PCDH17: variants seen among roughly 807,000 people sequenced by gnomAD.
PCDH17 encodes protocadherin 17.
In PCDH17, 21 loss-of-function variants were observed where a neutral mutation model predicts 67.7. That is an observed-to-expected ratio of 0.31 (90% confidence interval 0.22 to 0.45). The LOEUF is 0.45. PCDH17 is among the 20% of genes least tolerant of loss of function. PCDH17 has a pLI of 1.00. For synonymous variants in PCDH17, 701 were observed against 656.7 expected (o/e 1.07, Z -1.03); for missense variants, 1,471 against 1,564.8 (o/e 0.94, Z 1.01).
intron 1 of PCDH17, among the ~76,000 whole-genome samples, chr13:57,664,662 C>A (rs1043981843): frequency 4.6e-5 from 7 of 151,988 alleles, no homozygotes; most frequent in Non-Finnish European, 1.0e-4. Flanking sequence ...TCTTTAATAA[C>A]CTGGATTTTG....
chr13:57,656,249 C>T (rs1370040224), intron 1 of PCDH17, among the ~76,000 whole-genome samples: 3 of 152,042 alleles, frequency 2.0e-5, no homozygotes, highest in African/African-American at 7.2e-5. Context: ...CATTTAGACT[C>T]AATGCATTAT....
At chr13:57,682,888 G>C (rs1195450382) in intron 3 of PCDH17, among the ~76,000 whole-genome samples, 1 of 151,814 alleles carries the variant, frequency 6.6e-6, no homozygotes, top group East Asian at 1.9e-4. Context: ...TTCTGTTAAA[G>C]TCAGTAGCAG....
intron 3 of PCDH17, among the ~76,000 whole-genome samples, chr13:57,696,890 TTTCATCTACTTAAA>T (rs1955614482): frequency 6.6e-6 from 1 of 151,632 alleles, no homozygotes; most frequent in Non-Finnish European, 1.5e-5. Flanking sequence ...TTGGCAGTGC[TTTCATCTACTTAAA>T]TTCCTCCCAC....
intron 3 of PCDH17, among the ~76,000 whole-genome samples, chr13:57,694,439 C>T (rs550755157): frequency 1.3e-5 from 2 of 151,088 alleles, no homozygotes; most frequent in East Asian, 3.9e-4. Context: ...TCCCTTTTAG[C>T]CCTGTGCATT....
chr13:57,722,175 G>A (rs561275951), intron 3 of PCDH17, among the ~76,000 whole-genome samples: 3 of 152,232 alleles, frequency 2.0e-5, no homozygotes, highest in African/African-American at 7.2e-5. Flanking sequence ...TTTTATGTTG[G>A]TGGTTTCAAA....
chr13:57,689,966 G>T (rs1187434743), intron 3 of PCDH17, among the ~76,000 whole-genome samples: 1 of 151,690 alleles, frequency 6.6e-6, no homozygotes, highest in Non-Finnish European at 1.5e-5. Flanking sequence ...TTAAGAAGTG[G>T]CAATAGAAGC....
upstream of PCDH17, among the ~76,000 whole-genome samples, chr13:57,630,829 T>C (rs1390600954): frequency 6.6e-6 from 1 of 152,186 alleles, no homozygotes; most frequent in East Asian, 1.9e-4. Context: ...CGAGAGTGAA[T>C]ACGATTCGTT....
chr13:57,671,101 GTTAA>G (rs1955315447), intron 3 of PCDH17, among the ~76,000 whole-genome samples: 2 of 151,784 alleles, frequency 1.3e-5, no homozygotes, highest in Admixed American at 1.3e-4. Flanking sequence ...TTTTCAAATA[GTTAA>G]TTAGATTTTC....
chr13:57,710,357 C>T (rs973670447), intron 3 of PCDH17, among the ~76,000 whole-genome samples: 1 of 151,542 alleles, frequency 6.6e-6, no homozygotes, highest in East Asian at 2.0e-4. Flanking sequence ...CATAGCAGCC[C>T]CATATAGTTT....
At chr13:57,672,258 ATATT>A (rs1206423917) in intron 3 of PCDH17, among the ~76,000 whole-genome samples, 2 of 151,952 alleles carry the variant, frequency 1.3e-5, no homozygotes, top group Non-Finnish European at 2.9e-5. Flanking sequence ...AAGCTAATAA[ATATT>A]TGTTTGTTTC....
chr13:57,640,029 G>T (rs893021892), intron 1 of PCDH17, among the ~76,000 whole-genome samples: 2 of 151,758 alleles, frequency 1.3e-5, no homozygotes, highest in African/African-American at 2.4e-5. Flanking sequence ...TGTATATGAG[G>T]TTAAAATAAT....
At chr13:57,642,032 A>G (rs1954912383) in intron 1 of PCDH17, among the ~76,000 whole-genome samples, 1 of 151,654 alleles carries the variant, frequency 6.6e-6, no homozygotes, top group Non-Finnish European at 1.5e-5. Flanking sequence ...GAAATGTTTA[A>G]CGATCTGTAT....
chr13:57,651,487 G>A (rs1955038686), intron 1 of PCDH17, among the ~76,000 whole-genome samples: 1 of 150,204 alleles, frequency 6.7e-6, no homozygotes, highest in South Asian at 2.1e-4. Context: ...TCAGGCATGT[G>A]CCACCAGGCC....
rs146308231 is a variant in PCDH17 at position 57,675,082 on chromosome 13, G to T, written c.2797+8249G>T. The stretch of plus-strand genomic sequence containing the variant: ...AAATAGGCACATCATATCTGTAGCA[G>T]CACCATTTATTTCCTTACCTGAAGG... On this transcript the variant is annotated intron_variant, in intron 3 of 3. Coordinates refer to ENST00000377918, the MANE Select transcript of PCDH17 (RefSeq NM_001040429.3). 2.3e-3 allele frequency among the ~76,000 whole-genome samples: 357 copies of T among 151,962 alleles called. 2 individuals are homozygous for T. In the Middle Eastern group the frequency reaches 0.037, roughly 16 times the overall value.
chr13:57,726,236 T>C lies in PCDH17; in HGVS notation c.*942T>C, dbSNP rs1441908538. ...ATAGCTCAGGAAAGTGAAAATGTCT[T>C]AGACATACGCAAGTCACATGACCAT... On this transcript the variant is annotated 3_prime_UTR_variant, in exon 4 of 4. Coordinates refer to ENST00000377918, the MANE Select transcript of PCDH17 (RefSeq NM_001040429.3). 6.6e-6 allele frequency: 1 copy of C among 152,646 alleles called. No individual in the cohort carries two copies. Among genetic ancestry groups the C allele is most frequent in the Non-Finnish European group, 1.5e-5 (1 of 68,036 alleles). The allele number at this position is 152,646 out of a possible 1,614,324, so 9.5% of individuals were successfully genotyped here. A position where few individuals can be genotyped will look rare whatever the true frequency, so the allele number is the denominator to read the frequency against.
chr13:57,716,977 G>C (rs1955822549), intron 3 of PCDH17, among the ~76,000 whole-genome samples: 1 of 151,960 alleles, frequency 6.6e-6, no homozygotes, highest in Non-Finnish European at 1.5e-5. Flanking sequence ...AATGTGAGCT[G>C]TCTTTATGCT....
intron 3 of PCDH17, among the ~76,000 whole-genome samples, chr13:57,688,304 C>A (rs540347867): frequency 3.3e-5 from 5 of 151,770 alleles, no homozygotes; most frequent in African/African-American, 9.6e-5. Flanking sequence ...CAGAGTGAGA[C>A]CCTGTCTCAA....
At chr13:57,700,588 T>C (rs932989791) in intron 3 of PCDH17, among the ~76,000 whole-genome samples, 3 of 152,096 alleles carry the variant, frequency 2.0e-5, no homozygotes, top group Non-Finnish European at 2.9e-5. Context: ...GAACAGTAGC[T>C]GCAAGGGAAG....
At chr13:57,697,850 G>T (rs73207460) in intron 3 of PCDH17, among the ~76,000 whole-genome samples, 1 of 151,296 alleles carries the variant, frequency 6.6e-6, no homozygotes, top group Non-Finnish European at 1.5e-5. Flanking sequence ...CTCCTAGTTG[G>T]GGGGTACTTC....
Sources: gnomAD v4.1 joint callset for allele counts (sites outside exome capture counted in the v4.1 genomes callset) on GRCh38, gnomAD v4.1.1 for gene constraint, MANE v1.5 for transcripts, NCBI Gene and HGNC (gene_info 2026-07-23, HGNC 2026-07-21) for gene names.